Variants in IKZF1 observed in about 807,000 individuals in gnomAD.
IKZF1 encodes the protein DNA-binding protein Ikaros.
A neutral mutation model predicts 51.7 loss-of-function variants in IKZF1; 10 were observed. The ratio of observed to expected loss-of-function variants is 0.19; its 90% CI spans 0.12 to 0.33. The LOEUF (loss-of-function observed/expected upper bound fraction) is 0.33. Among genes scored for constraint, IKZF1 ranks in the 10% least tolerant of loss-of-function variants. The pLI is 1.00. For missense variants in IKZF1, 484 were observed against 707.5 expected, an observed-to-expected ratio of 0.68 and a Z score of 3.58; for synonymous variants, 280 against 282.3, an observed-to-expected ratio of 0.99 and a Z score of 0.08.
chr7:50,326,908 A>G (rs951959504), intron 2 of IKZF1, among the ~76,000 whole-genome samples: 16 of 152,186 alleles, frequency 1.1e-4, no homozygotes, highest in African/African-American at 3.1e-4. Context: ...TCTTGCAAAG[A>G]AAGTGAGCAG....
chr7:50,387,634 G>A (rs1813781398), intron 6 of IKZF1, among the ~76,000 whole-genome samples, 164 bp downstream of exon 6: 1 of 152,172 alleles, frequency 6.6e-6, no homozygotes, highest in African/African-American at 2.4e-5. Context: ...TTCACCAGAA[G>A]CACGTTGTGC....
At chr7:50,325,442 G>C (rs1794691889) in intron 2 of IKZF1, among the ~76,000 whole-genome samples, 1 of 152,096 alleles carries the variant, frequency 6.6e-6, no homozygotes, top group Admixed American at 6.6e-5. Flanking sequence ...TGAAAGAGGT[G>C]AAAACGCTAA....
rs1562916006 is a variant in IKZF1, at chr7:50,400,683, C to G, written c.*56C>G. On this transcript the variant is annotated 3_prime_UTR_variant, in exon 8 of 8. Transcript: ENST00000331340. The surrounding 1 kb of genome is among the most constrained non-coding windows in gnomAD (Gnocchi z 5.4). ...AGCCACCCCAGGAAAAGCACAAGGA[C>G]TGCCGCCTTCTCGCTCCCGCCAGCA... The G allele has an allele frequency of 1.4e-5, 22 of 1,540,668 alleles. No homozygotes were observed. The highest frequency in any genetic ancestry group is 1.8e-5 in the Non-Finnish European group (21 of 1,146,878).
intron 4 of IKZF1, among the ~76,000 whole-genome samples, chr7:50,381,610 T>A (rs1010519130): frequency 3.9e-5 from 6 of 152,222 alleles, no homozygotes; most frequent in Admixed American, 3.9e-4. Flanking sequence ...GGGTCAGGTG[T>A]TTTCTTAGTC....
At chr7:50,311,405 T>G (rs2153340186) in intron 1 of IKZF1, among the ~76,000 whole-genome samples, 1 of 152,362 alleles carries the variant, frequency 6.6e-6, no homozygotes, top group Middle Eastern at 3.4e-3. Flanking sequence ...TGGTAGATAC[T>G]GTATCTAAAT....
At chr7:50,374,967 T>G (rs1267131219) in intron 3 of IKZF1, among the ~76,000 whole-genome samples, 1 of 152,066 alleles carries the variant, frequency 6.6e-6, no homozygotes, top group East Asian at 1.9e-4. Flanking sequence ...TAGAATCTTC[T>G]GGAGGGTATG....
At position 50,304,772 on chromosome 7, in the gene IKZF1, T is replaced by A. The variant is rs1203239337; in HGVS notation, c.-165T>A. ...GGGGCGGTGACTGCGGCAAGCCCCC[T>A]GGGTCCCCGCGCGGCGCATCCCAGC... On this transcript the variant is annotated 5_prime_UTR_variant, in exon 1 of 8. Transcript: ENST00000331340. The A allele has an allele frequency of 6.6e-6, 1 of 152,048 alleles. No individual in the cohort carries two copies. Among genetic ancestry groups the A allele is most frequent in the Non-Finnish European group, 1.5e-5 (1 of 67,978 alleles). The allele number at this position is 152,048 out of a possible 1,614,324, so 9.4% of individuals were successfully genotyped here. A position where few individuals can be genotyped will look rare whatever the true frequency, so the allele number is the denominator to read the frequency against.
intron 1 of IKZF1, 118 bp downstream of exon 1, chr7:50,305,040 C>T (rs1457754004): frequency 6.6e-6 from 1 of 152,302 alleles, no homozygotes; most frequent in African/African-American, 2.4e-5. Flanking sequence ...TCGCTCAGGT[C>T]CGCCTCTCTT....
chr7:50,377,684 A>T (rs1810668343), intron 4 of IKZF1, among the ~76,000 whole-genome samples: 1 of 152,264 alleles, frequency 6.6e-6, no homozygotes, highest in Non-Finnish European at 1.5e-5. Flanking sequence ...TCTTAGAAGT[A>T]AAATATGAAT....
chr7:50,305,075 C>G (rs1309536421), intron 1 of IKZF1, among the ~76,000 whole-genome samples, 153 bp downstream of exon 1: 5 of 152,164 alleles, frequency 3.3e-5, no homozygotes, highest in South Asian at 2.1e-4. Flanking sequence ...AGAGAGTTCA[C>G]TTCTGTCAAG....
At chr7:50,317,922 C>A (rs1791997613) in intron 1 of IKZF1, among the ~76,000 whole-genome samples, 1 of 152,200 alleles carries the variant, frequency 6.6e-6, no homozygotes, top group South Asian at 2.1e-4. Flanking sequence ...GAACCAGAGA[C>A]AGAGGTGGCC....
At chr7:50,377,007 C>A in intron 4 of IKZF1, 1 of 739,084 alleles carries the variant, frequency 1.4e-6, no homozygotes, top group Non-Finnish European at 2.1e-6. Flanking sequence ...CCAATTCCAC[C>A]CTATAAATAA....
Position 50,404,524 on chromosome 7 carries a change from C to T in IKZF1, c.*3897C>T. On this transcript the variant is annotated 3_prime_UTR_variant, in exon 8 of 8. Coordinates refer to ENST00000331340, the MANE Select transcript of IKZF1 (RefSeq NM_006060.6). ...TGCCTAGACTTTCTCCCAATGAGAT[C>T]CCAATATGAGAGGGAGAAGAGATGG... 1 of 229,584 alleles carries T rather than the reference C, an allele frequency of 4.4e-6. No homozygotes were observed. The highest frequency in any genetic ancestry group is 1.3e-3 in the Middle Eastern group (1 of 778). The allele number at this position is 229,584 out of a possible 1,614,324, so 14.2% of individuals were successfully genotyped here.
chr7:50,394,705 G>T (rs1175023883), intron 7 of IKZF1, among the ~76,000 whole-genome samples: 1 of 140,034 alleles, frequency 7.1e-6, no homozygotes, highest in Admixed American at 7.1e-5. Flanking sequence ...GCTCAGAGTG[G>T]CTATTATAGT....
intron 2 of IKZF1, among the ~76,000 whole-genome samples, chr7:50,327,043 G>A (rs1795208027): frequency 1.3e-5 from 2 of 152,202 alleles, no homozygotes; most frequent in African/African-American, 4.8e-5. Context: ...AGGGGGAAGA[G>A]TTGACAAAAG....
At position 50,402,089 on chromosome 7, in the gene IKZF1, C is replaced by T. The variant is rs975581281; in HGVS notation, c.*1462C>T. 8.7e-6 allele frequency: 2 copies of T among 230,512 alleles called. No homozygotes were observed. Among genetic ancestry groups the T allele is most frequent in the East Asian group, 6.1e-5 (1 of 16,356 alleles). The allele number at this position is 230,512 out of a possible 1,614,324, so 14.3% of individuals were successfully genotyped here. On this transcript the variant is annotated 3_prime_UTR_variant, in exon 8 of 8. Coordinates refer to ENST00000331340, the MANE Select transcript of IKZF1 (RefSeq NM_006060.6). ...GCTATGACATGGAGGCACTGAAGCC[C>T]GAGGAAGGTGTGTGGAGATTCTAAT...
In IKZF1 at chr7:50,400,444, G is replaced by A. The variant is rs1171428003; in HGVS notation, c.1377G>A (p.Met459Ile). 6.2e-7 allele frequency: 1 copy of A among 1,614,006 alleles called. No individual in the cohort carries two copies. Among genetic ancestry groups the A allele is most frequent in the South Asian group, 1.1e-5 (1 of 91,080 alleles). ...TGGTCAGCACCAGCGGGGAGCAGAT[G>A]AAGGTGTACAAGTGCGAACACTGCC... ...LRVVSTSGEQ[M>I]KVYKCEHCRV... is the part of the protein sequence containing the mutation. Residue 459 changes from methionine (M) to isoleucine (I), a missense_variant, in exon 8 of 8, where the codon ATG becomes ATA. By Grantham distance (10) the Met-to-Ile change is conservative (BLOSUM62 1). Around this residue, in one of 6 missense-constraint regions of IKZF1, gnomAD observed 72 missense variants for 67.5 expected, o/e 1.07. Transcript: ENST00000331340. This position sits in a 1 kb window ranked among gnomAD's most constrained non-coding sequence, Gnocchi z 5.4.
At chr7:50,378,837 A>G (rs1414379084) in intron 4 of IKZF1, among the ~76,000 whole-genome samples, 1 of 152,238 alleles carries the variant, frequency 6.6e-6, no homozygotes, top group Non-Finnish European at 1.5e-5. Context: ...ACTTGAAGCA[A>G]TGAACTCATG....
At chr7:50,387,591 G>A in intron 6 of IKZF1, 121 bp downstream of exon 6, 1 of 1,379,494 alleles carries the variant, frequency 7.2e-7, no homozygotes, top group South Asian at 1.7e-5. Flanking sequence ...CCGGGGCTAG[G>A]AGGGAGGGAA....
Sources: gnomAD v4.1 joint callset for allele counts (sites outside exome capture counted in the v4.1 genomes callset) on GRCh38, gnomAD v4.1.1 for gene constraint, gnomAD v4.1.1 regional missense constraint, Gnocchi (gnomAD v3.1) non-coding constraint, MANE v1.5 for transcripts, NCBI Gene and HGNC (gene_info 2026-07-23, HGNC 2026-07-21) for gene names.